The following FGGY variants were observed in gnomAD, a reference collection of about 807,000 sequenced individuals.
FGGY encodes FGGY carbohydrate kinase domain containing.
A neutral mutation model predicts 71.3 loss-of-function variants in FGGY; 72 were observed. The ratio of observed to expected loss-of-function variants is 1.01; its 90% CI spans 0.84 to 1.23. FGGY has a LOEUF of 1.23. Among genes scored for constraint, FGGY ranks in the 50% most tolerant of loss-of-function variants. The pLI, the probability that FGGY is intolerant of heterozygous loss-of-function variation, is 0.00. For synonymous variants in FGGY, 251 were observed against 250.3 expected, an observed-to-expected ratio of 1.00 and a Z score of -0.02; for missense variants, 668 against 682.3, an observed-to-expected ratio of 0.98 and a Z score of 0.23.
At chr1:59,714,144 A>G (rs1342629241) in intron 14 of FGGY, among the ~76,000 whole-genome samples, 2 of 152,210 alleles carry the variant, frequency 1.3e-5, no homozygotes, top group South Asian at 2.1e-4. Context: ...TTTCCTTCCA[A>G]AAAGTGTCTA....
At chr1:59,490,958 A>C (rs1347665759) in intron 6 of FGGY, among the ~76,000 whole-genome samples, 1 of 148,004 alleles carries the variant, frequency 6.8e-6, no homozygotes. Context: ...TGAAGTCTGA[A>C]AATGTGATGC....
At chr1:59,710,537 C>T (rs2097786519) in intron 14 of FGGY, among the ~76,000 whole-genome samples, 1 of 152,122 alleles carries the variant, frequency 6.6e-6, no homozygotes, top group African/African-American at 2.4e-5. Context: ...AAAATTTTTG[C>T]AATCTATCCA....
chr1:59,550,796 A>G (rs2095597097), intron 7 of FGGY, among the ~76,000 whole-genome samples: 1 of 152,178 alleles, frequency 6.6e-6, no homozygotes, highest in African/African-American at 2.4e-5. Flanking sequence ...ATAACATCAT[A>G]AAGTGAGGAG....
At chr1:59,638,974 C>A (rs1429517670) in intron 11 of FGGY, among the ~76,000 whole-genome samples, 1 of 152,128 alleles carries the variant, frequency 6.6e-6, no homozygotes, top group Non-Finnish European at 1.5e-5. Flanking sequence ...CTCTCAACCA[C>A]CCCAGTTGAG....
At chr1:59,546,081 C>T (rs988288765) in intron 7 of FGGY, among the ~76,000 whole-genome samples, 3 of 152,146 alleles carry the variant, frequency 2.0e-5, no homozygotes, top group African/African-American at 7.2e-5. Context: ...TTATGCCAAG[C>T]CTTGCTATTA....
At chr1:59,762,429 C>T (rs976044393) in intron 15 of FGGY, 74 bp from the exon 16 acceptor site, 8 of 1,127,574 alleles carry the variant, frequency 7.1e-6, no homozygotes, top group Admixed American at 2.0e-5. Flanking sequence ...TATTTCCATT[C>T]TTCTAAATGT....
chr1:59,314,631 G>A (rs771225006), intron 1 of FGGY, among the ~76,000 whole-genome samples: 16 of 152,192 alleles, frequency 1.1e-4, no homozygotes, highest in Non-Finnish European at 1.9e-4. Context: ...TTCCTATTCT[G>A]AATAGAATAT....
chr1:59,631,867 A>G (rs577083411), intron 10 of FGGY, among the ~76,000 whole-genome samples: 1 of 152,310 alleles, frequency 6.6e-6, no homozygotes, highest in East Asian at 1.9e-4. Flanking sequence ...AAATTTGCAG[A>G]TATTTCACTC....
intron 12 of FGGY, among the ~76,000 whole-genome samples, chr1:59,665,508 C>T (rs2097315097): frequency 6.6e-6 from 1 of 152,176 alleles, no homozygotes; most frequent in Non-Finnish European, 1.5e-5. Flanking sequence ...ATTTCATGTC[C>T]TATGGTTCCC....
At chr1:59,714,806 C>G (rs1288158472) in intron 14 of FGGY, among the ~76,000 whole-genome samples, 1 of 152,168 alleles carries the variant, frequency 6.6e-6, no homozygotes, top group Non-Finnish European at 1.5e-5. Context: ...GTTACAAAGT[C>G]TGTGCCATTT....
At chr1:59,491,175 T>A (rs939712657) in intron 6 of FGGY, among the ~76,000 whole-genome samples, 2 of 148,500 alleles carry the variant, frequency 1.3e-5, no homozygotes, top group Non-Finnish European at 3.0e-5. Flanking sequence ...TTCTTTCTTC[T>A]TTCTTTTTTG....
intron 3 of FGGY, among the ~76,000 whole-genome samples, chr1:59,345,912 C>T (rs1416171116): frequency 6.6e-6 from 1 of 152,086 alleles, no homozygotes; most frequent in Non-Finnish European, 1.5e-5. Context: ...AATGTATGCC[C>T]AGAAAAGTTT....
chr1:59,320,432 T>C (rs6679863), intron 1 of FGGY, among the ~76,000 whole-genome samples: 3,134 of 152,242 alleles, frequency 0.021, 99 homozygotes, highest in African/African-American at 0.067. Context: ...TGCCTTGAGC[T>C]CACCTGGAGA....
intron 14 of FGGY, among the ~76,000 whole-genome samples, chr1:59,731,024 T>C (rs1314638418): frequency 6.6e-6 from 1 of 152,246 alleles, no homozygotes; most frequent in Non-Finnish European, 1.5e-5. Flanking sequence ...TGCTGAGTGA[T>C]GGAGCAAGTC....
intron 11 of FGGY, among the ~76,000 whole-genome samples, chr1:59,650,708 G>A (rs1489353933): frequency 7.8e-6 from 1 of 127,896 alleles, no homozygotes; most frequent in East Asian, 2.0e-4. Context: ...CCAGCTCCTG[G>A]ATTCACTGAT....
chr1:59,722,621 C>T (rs964948378), intron 14 of FGGY, among the ~76,000 whole-genome samples: 9 of 152,178 alleles, frequency 5.9e-5, no homozygotes, highest in African/African-American at 1.9e-4. Flanking sequence ...GGCAACTCCT[C>T]AGTTGGCTCC....
chr1:59,641,409 C>A, intron 11 of FGGY: 1 of 1,400,698 alleles, frequency 7.1e-7, no homozygotes, highest in Non-Finnish European at 1.0e-6. Context: ...TTATTGAATA[C>A]CTGCTATGTG....
At chr1:59,434,395 C>A (rs72913767) in intron 5 of FGGY, among the ~76,000 whole-genome samples, 55 of 152,278 alleles carry the variant, frequency 3.6e-4, no homozygotes, top group African/African-American at 1.3e-3. Flanking sequence ...ACAGACATTC[C>A]AAGCAATAGC....
intron 14 of FGGY, among the ~76,000 whole-genome samples, chr1:59,690,907 T>G (rs1254574802): frequency 1.3e-5 from 2 of 152,264 alleles, no homozygotes; most frequent in African/African-American, 4.8e-5. Context: ...GGTTCTCACT[T>G]GCTCTAATTT....
Sources: gnomAD v4.1 joint callset for allele counts (sites outside exome capture counted in the v4.1 genomes callset) on GRCh38, gnomAD v4.1.1 for gene constraint, MANE v1.5 for transcripts, NCBI Gene and HGNC (gene_info 2026-07-23, HGNC 2026-07-21) for gene names.